FRMD7: variants seen among roughly 807,000 people sequenced by gnomAD.
FRMD7 encodes FERM domain containing 7, also known as FERM domain-containing protein 7.
FRMD7 carries 14 observed loss-of-function variants against 44.1 expected under a neutral mutation model. The ratio of observed to expected loss-of-function variants is 0.32; its 90% CI spans 0.21 to 0.50. The LOEUF (loss-of-function observed/expected upper bound fraction) is 0.50, where lower values mean the gene tolerates loss of function less well. Ranked by LOEUF, FRMD7 falls within the 20% of genes least tolerant of loss-of-function variation. FRMD7 has a pLI of 0.99. For missense variants in FRMD7, 501 were observed against 522.3 expected (o/e 0.96, Z 0.40); for synonymous variants, 212 against 187.4 (o/e 1.13, Z -1.07).
Position 132,078,207 on chromosome X carries a change from C to T in FRMD7, c.1810G>A (p.Gly604Arg). Residue 604 changes from glycine (G) to arginine (R), a missense_variant, in exon 12 of 12, where the codon GGG becomes AGG. This residue lies in a region of FRMD7 where 453 missense variants were observed against 452.7 expected (regional missense o/e 1.00). Coordinates refer to ENST00000298542, the MANE Select transcript of FRMD7 (RefSeq NM_194277.3). ...GGCCCTAAAGGTCTAAATTCTGACCCAAAAGGAAAACGAATAGTTTTCATG... is the reference window on the plus strand; with the variant it reads ...GGCCCTAAAGGTCTAAATTCTGACCTAAAAGGAAAACGAATAGTTTTCATG... ...SDMKTIRFPF[G>R]SEFRPLGPCP... 1.7e-6 allele frequency: 2 copies of T among 1,211,640 alleles called. No homozygotes were observed. Among genetic ancestry groups the T allele is most frequent in the Non-Finnish European group, 2.2e-6 (2 of 895,382 alleles).
rs764927990 is a variant in FRMD7 at position 132,099,514 on chromosome X, T to A, written c.163-4A>T. On this transcript the variant is annotated splice_region_variant and splice_polypyrimidine_tract_variant and intron_variant, in intron 2 of 11. Coordinates refer to ENST00000298542, the MANE Select transcript of FRMD7 (RefSeq NM_194277.3). ...GCTTCAAAAGCTCCAGCCAAACCTG[T>A]AATAACATTAAGGAAAAAATTGGTA... 8.4e-7 allele frequency: 1 copy of A among 1,191,775 alleles called. No homozygotes were observed. The highest frequency in any genetic ancestry group is 1.8e-5 in the African/African-American group (1 of 56,572).
intron 10 of FRMD7, 58 bp downstream of exon 10, chrX:132,080,140 T>C (rs1448374041): frequency 2.9e-5 from 33 of 1,126,475 alleles, no homozygotes; most frequent in Admixed American, 6.6e-5. Context: ...CCAGGATACA[T>C]AGAAATCTCC....
chrX:132,082,737 A>G (rs144058745), intron 8 of FRMD7, among the ~76,000 whole-genome samples: 207 of 112,051 alleles, frequency 1.8e-3, no homozygotes, highest in African/African-American at 6.3e-3. Flanking sequence ...AGCCTTCTCT[A>G]AGAAGCAAAT....
At chrX:132,082,671 A>G in intron 8 of FRMD7, 145 bp from the exon 9 acceptor site, 1 of 520,657 alleles carries the variant, frequency 1.9e-6, no homozygotes, top group Non-Finnish European at 3.4e-6. Context: ...ACACCTGCTG[A>G]AACCTAATGA....
chrX:132,081,884 A>G (rs1927830014), intron 9 of FRMD7, among the ~76,000 whole-genome samples: 1 of 111,969 alleles, frequency 8.9e-6, no homozygotes, highest in African/African-American at 3.2e-5. Context: ...CATTAACTCG[A>G]AAGACAAGAT....
At chrX:132,124,807 G>A (rs750264182) in intron 1 of FRMD7, among the ~76,000 whole-genome samples, 2 of 111,954 alleles carry the variant, frequency 1.8e-5, no homozygotes, top group Non-Finnish European at 3.8e-5. Flanking sequence ...GTATGTCCAG[G>A]CCAGAGTGTG....
chrX:132,100,264 T>C (rs892038294), intron 2 of FRMD7, among the ~76,000 whole-genome samples: 1 of 111,634 alleles, frequency 9.0e-6, no homozygotes, highest in Non-Finnish European at 1.9e-5. Context: ...CCCAAGTAGC[T>C]GGGATTACAG....
intron 9 of FRMD7, among the ~76,000 whole-genome samples, chrX:132,081,167 T>C (rs1005011290): frequency 9.0e-6 from 1 of 111,546 alleles, no homozygotes; most frequent in Non-Finnish European, 1.9e-5. Context: ...ACCCCGTCTC[T>C]ACCAAAAATA....
intron 1 of FRMD7, among the ~76,000 whole-genome samples, chrX:132,111,418 A>C (rs1428602792): frequency 1.8e-5 from 2 of 111,383 alleles, no homozygotes; most frequent in East Asian, 5.7e-4. Flanking sequence ...GACTATAGGC[A>C]TGAGCCAGTG....
intron 5 of FRMD7, among the ~76,000 whole-genome samples, chrX:132,091,000 C>T (rs1311832403): frequency 9.0e-6 from 1 of 111,212 alleles, no homozygotes; most frequent in African/African-American, 3.3e-5. Context: ...CTGTAATATC[C>T]TTTTATCTAG....
Position 132,077,740 on chromosome X carries a change from G to A in FRMD7, c.*132C>T, listed in dbSNP as rs1927649278. 7 of 927,332 alleles carry A rather than the reference G, an allele frequency of 7.5e-6. No individual in the cohort carries two copies. The highest frequency in any genetic ancestry group is 9.0e-6 in the Non-Finnish European group (6 of 668,162). 76.4% of individuals were successfully genotyped at this position (927,332 alleles called of 1,213,427 possible). On this transcript the variant is annotated 3_prime_UTR_variant, in exon 12 of 12. Transcript: ENST00000298542. ...CAACAGCTGGATCTTTCATAAGGCAGGCATCCAAAATGAGATTTCCTTAAT... is the reference window on the plus strand; with the variant it reads ...CAACAGCTGGATCTTTCATAAGGCAAGCATCCAAAATGAGATTTCCTTAAT...
At chrX:132,093,256 G>T (rs1282692608) in intron 5 of FRMD7, among the ~76,000 whole-genome samples, 2 of 112,358 alleles carry the variant, frequency 1.8e-5, no homozygotes, top group African/African-American at 6.5e-5. Flanking sequence ...AGGTACAGAG[G>T]TCAAAAATGA....
chrX:132,127,937 GC>G lies in FRMD7; in HGVS notation c.-94del. On this transcript the variant is annotated 5_prime_UTR_variant, in exon 1 of 12. An upstream open reading frame in the 5' UTR loses its in-frame stop. Coordinates refer to ENST00000298542, the MANE Select transcript of FRMD7 (RefSeq NM_194277.3). ...TCCCAGCTGGATGTGGTGCACTCGGGCCCCCCCACCCCCAGCCAGGCATTCC... is the reference window on the plus strand; with the variant it reads ...TCCCAGCTGGATGTGGTGCACTCGGGCCCCCCACCCCCAGCCAGGCATTCC... 1.5e-5 allele frequency: 11 copies of G among 729,230 alleles called. No homozygotes were observed. Among genetic ancestry groups the G allele is most frequent in the Admixed American group, 2.2e-5 (1 of 44,636 alleles). 60.1% of individuals were successfully genotyped at this position (729,230 alleles called of 1,213,427 possible).
intron 1 of FRMD7, among the ~76,000 whole-genome samples, chrX:132,124,874 G>C: frequency 9.0e-6 from 1 of 111,591 alleles, no homozygotes. Flanking sequence ...CCCAGAACTG[G>C]GCCTGGGACA....
Position 132,077,643 on chromosome X carries a change from G to A in FRMD7, c.*229C>T, listed in dbSNP as rs1353300660. ...CAAATACCCACCTTGCCTTGCCACA[G>A]TGCTGGTGAGGAGAGGGCATGTTCT... On this transcript the variant is annotated 3_prime_UTR_variant, in exon 12 of 12. Transcript: ENST00000298542. The A allele has an allele frequency of 6.9e-6, 3 of 437,616 alleles. No individual in the cohort carries two copies. The East Asian group carries it at 1.2e-4, about 17-fold the overall frequency. 36.1% of individuals were successfully genotyped at this position (437,616 alleles called of 1,213,427 possible).
chrX:132,124,211 C>T lies in FRMD7; in HGVS notation c.57+3577G>A, dbSNP rs190292244. Among the ~76,000 whole-genome samples, 4 of 111,817 alleles carry T rather than the reference C, an allele frequency of 3.6e-5. No homozygotes were observed. The East Asian group carries it at 1.1e-3, about 31-fold the overall frequency. ...TTCCTTCAAGAAAAGTTCTAGTCTC[C>T]ATGTTGAAGAAGCAAAACCAAATAT... On this transcript the variant is annotated intron_variant, in intron 1 of 11. Coordinates refer to ENST00000298542, the MANE Select transcript of FRMD7 (RefSeq NM_194277.3).
chrX:132,087,388 A>G (rs5933064), intron 5 of FRMD7, among the ~76,000 whole-genome samples: 9,246 of 111,154 alleles, frequency 0.083, 357 homozygotes, highest in Non-Finnish European at 0.11. Flanking sequence ...TGAGTGCTGG[A>G]GGGCTGTTTT....
Position 132,084,493 on chromosome X carries a change from G to T in FRMD7, c.738C>A (p.Ile246=), listed in dbSNP as rs761568341. The T allele has an allele frequency of 2.7e-6, 3 of 1,129,571 alleles. No homozygotes were observed. The highest frequency in any genetic ancestry group is 3.7e-6 in the Non-Finnish European group (3 of 820,419). 93.1% of individuals were successfully genotyped at this position (1,129,571 alleles called of 1,213,427 possible). ...AATTTATTAGAAAGCTACTTACCAA[G>T]ATATTGGCATGAAGTTTGATGAGAA... is the stretch of plus-strand genomic sequence containing the variant. ...KHFLIKLHAN[I]LVLCKDTLEF... is the part of the protein sequence containing the mutation. The change falls in exon 8 of 12, where the codon ATC becomes ATA. Residue 246 remains isoleucine, a synonymous_variant. Transcript: ENST00000298542.
intron 1 of FRMD7, among the ~76,000 whole-genome samples, chrX:132,108,567 A>G (rs905556490): frequency 1.8e-5 from 2 of 111,292 alleles, no homozygotes; most frequent in Non-Finnish European, 3.8e-5. Context: ...GACACTTTAG[A>G]GGATAACAAG....
Sources: gnomAD v4.1 joint callset for allele counts (sites outside exome capture counted in the v4.1 genomes callset) on GRCh38, gnomAD v4.1.1 for gene constraint, gnomAD v4.1.1 regional missense constraint, MANE v1.5 for transcripts, NCBI Gene and HGNC (gene_info 2026-07-23, HGNC 2026-07-21) for gene names.